The following AFF3 variants were observed in gnomAD, a reference collection of about 807,000 sequenced individuals.
The protein encoded by AFF3 is ALF transcription elongation factor 3, also known as AF4/FMR2 family member 3.
AFF3 carries 32 observed loss-of-function variants against 129.7 expected under a neutral mutation model. The ratio of observed to expected loss-of-function variants is 0.25; its 90% CI spans 0.19 to 0.33. The LOEUF (loss-of-function observed/expected upper bound fraction) is 0.33, where lower values mean the gene tolerates loss of function less well. Among genes scored for constraint, AFF3 ranks in the 10% least tolerant of loss-of-function variants. The pLI, the probability that AFF3 is intolerant of heterozygous loss-of-function variation, is 1.00. For missense variants in AFF3, 1,373 were observed against 1,592.0 expected (o/e 0.86, Z 2.34); for synonymous variants, 644 against 635.4 (o/e 1.01, Z -0.20).
chr2:99,796,113 C>G (rs929652771), intron 8 of AFF3, among the ~76,000 whole-genome samples: 1 of 152,154 alleles, frequency 6.6e-6, no homozygotes, highest in African/African-American at 2.4e-5. Context: ...CACCTGCAAT[C>G]AAAACCTATT....
chr2:100,010,996 C>T (rs570621391), intron 4 of AFF3, among the ~76,000 whole-genome samples: 6 of 152,116 alleles, frequency 3.9e-5, no homozygotes, highest in Non-Finnish European at 8.8e-5. Context: ...AAAAAGCAGC[C>T]GGGCGCTGTG....
intron 16 of AFF3, among the ~76,000 whole-genome samples, chr2:99,583,750 TG>T (rs1245436781): frequency 6.6e-6 from 1 of 151,938 alleles, no homozygotes; most frequent in Non-Finnish European, 1.5e-5. Context: ...TGGAGTGCAA[TG>T]GCACAATCTT....
At chr2:99,782,491 G>A (rs1684490748) in intron 8 of AFF3, among the ~76,000 whole-genome samples, 1 of 152,226 alleles carries the variant, frequency 6.6e-6, no homozygotes, top group East Asian at 1.9e-4. Context: ...GCCTGCCATA[G>A]TCCTGCAAAG....
At chr2:99,570,221 T>C (rs1281370551) in intron 18 of AFF3, among the ~76,000 whole-genome samples, 1 of 152,220 alleles carries the variant, frequency 6.6e-6, no homozygotes. Flanking sequence ...TTTCTCCATA[T>C]GAATGGCTTT....
intron 4 of AFF3, among the ~76,000 whole-genome samples, chr2:100,020,667 C>T (rs1196947701): frequency 2.0e-5 from 3 of 152,110 alleles, no homozygotes; most frequent in East Asian, 3.9e-4. Flanking sequence ...CCATGCCCCC[C>T]ATATCCAATC....
chr2:100,026,396 C>A (rs1233263184), intron 4 of AFF3, among the ~76,000 whole-genome samples: 2 of 152,082 alleles, frequency 1.3e-5, no homozygotes, highest in Non-Finnish European at 2.9e-5. Flanking sequence ...AATCAAAAAA[C>A]AGTAGATGTT....
At chr2:100,072,463 AC>A (rs1688266752) in intron 4 of AFF3, among the ~76,000 whole-genome samples, 1 of 152,044 alleles carries the variant, frequency 6.6e-6, no homozygotes. Flanking sequence ...CTTTAAATGA[AC>A]CCTTGGCCTT....
At chr2:99,884,099 G>C (rs1284172430) in intron 7 of AFF3, among the ~76,000 whole-genome samples, 1 of 152,190 alleles carries the variant, frequency 6.6e-6, no homozygotes, top group South Asian at 2.1e-4. Flanking sequence ...CATTAGGAGA[G>C]ATTGGTCCAT....
chr2:99,987,351 T>G (rs1286175670), intron 7 of AFF3, among the ~76,000 whole-genome samples: 1 of 152,084 alleles, frequency 6.6e-6, no homozygotes, highest in Non-Finnish European at 1.5e-5. Context: ...CACAGATGAG[T>G]GTTCAGCTCT....
At chr2:100,084,198 C>T in intron 4 of AFF3, among the ~76,000 whole-genome samples, 1 of 152,198 alleles carries the variant, frequency 6.6e-6, no homozygotes, top group Non-Finnish European at 1.5e-5. Context: ...AGTCAATAAA[C>T]ACTCGGCGAC....
At chr2:99,559,018 G>A (rs977937408) in intron 21 of AFF3, 50 bp from the exon 22 acceptor site, 3 of 1,531,912 alleles carry the variant, frequency 2.0e-6, no homozygotes, top group Non-Finnish European at 2.7e-6. Flanking sequence ...TGCGTCGTGC[G>A]CAAACAAGAC....
intron 4 of AFF3, among the ~76,000 whole-genome samples, chr2:100,033,105 T>A (rs938176447): frequency 3.3e-5 from 5 of 152,320 alleles, no homozygotes; most frequent in African/African-American, 1.2e-4. Flanking sequence ...GTACGTCACA[T>A]CCTTGCATAT....
At chr2:99,604,493 G>GC (rs1408991647) in intron 13 of AFF3, among the ~76,000 whole-genome samples, 4 of 152,266 alleles carry the variant, frequency 2.6e-5, no homozygotes, top group Non-Finnish European at 5.9e-5. Context: ...ATGGGAGGAG[G>GC]CAGAGGGTCA....
At chr2:100,035,134 A>C (rs776505554) in intron 4 of AFF3, among the ~76,000 whole-genome samples, 1 of 152,202 alleles carries the variant, frequency 6.6e-6, no homozygotes, top group Non-Finnish European at 1.5e-5. Flanking sequence ...TTTAAATTTT[A>C]GTCTCTGGGC....
At chr2:99,646,356 C>T (rs1684690840) in intron 13 of AFF3, among the ~76,000 whole-genome samples, 1 of 152,148 alleles carries the variant, frequency 6.6e-6, no homozygotes. Flanking sequence ...ATGGCCAGAG[C>T]CAGTACGGGC....
At chr2:100,003,682 C>G (rs1681667158) in intron 7 of AFF3, among the ~76,000 whole-genome samples, 1 of 152,110 alleles carries the variant, frequency 6.6e-6, no homozygotes, top group Non-Finnish European at 1.5e-5. Flanking sequence ...GGAATTACTG[C>G]AAATAATTTG....
intron 4 of AFF3, among the ~76,000 whole-genome samples, chr2:100,045,154 G>A (rs1352206829): frequency 6.6e-6 from 1 of 152,116 alleles, no homozygotes; most frequent in African/African-American, 2.4e-5. Flanking sequence ...GGCAACAGAG[G>A]TGGGGAAGGG....
intron 1 of AFF3, among the ~76,000 whole-genome samples, chr2:100,135,564 G>A (rs1470513462): frequency 1.3e-5 from 2 of 152,206 alleles, no homozygotes; most frequent in Non-Finnish European, 2.9e-5. Flanking sequence ...GGCACCAGAC[G>A]TGTGAGTGGA....
At chr2:100,047,488 C>T (rs1235032537) in intron 4 of AFF3, among the ~76,000 whole-genome samples, 2 of 152,216 alleles carry the variant, frequency 1.3e-5, no homozygotes, top group African/African-American at 4.8e-5. Flanking sequence ...GTCCTTATTA[C>T]ATTACCATCC....
Sources: allele counts gnomAD v4.1 joint callset (sites outside exome capture counted in the v4.1 genomes callset), GRCh38; gene constraint gnomAD v4.1.1; transcripts MANE v1.5; gene names NCBI Gene and HGNC (gene_info 2026-07-23, HGNC 2026-07-21).